Variants in ELAVL2 observed in about 807,000 individuals in gnomAD.
ELAVL2 encodes the protein ELAV-like protein 2.
In ELAVL2, 4 loss-of-function variants were observed where a neutral mutation model predicts 34.6. The ratio of observed to expected loss-of-function variants is 0.12; its 90% CI spans 0.06 to 0.26. The LOEUF is 0.26. ELAVL2 is among the 10% of genes least tolerant of loss of function. The probability of loss-of-function intolerance (pLI) is 1.00; values close to 1 mark genes in which losing one functional copy is unlikely to be tolerated. For synonymous variants in ELAVL2, 193 were observed against 154.8 expected, an observed-to-expected ratio of 1.25 and a Z score of -1.83; for missense variants, 432 against 442.8, an observed-to-expected ratio of 0.98 and a Z score of 0.22.
chr9:23,824,197 A>G (rs1446303244), intron 1 of ELAVL2, among the ~76,000 whole-genome samples: 2 of 152,188 alleles, frequency 1.3e-5, no homozygotes. Context: ...GCTAACCGGT[A>G]CTTGAAAATG....
chr9:23,830,854 T>C (rs749200632), upstream of ELAVL2, among the ~76,000 whole-genome samples: 1 of 151,910 alleles, frequency 6.6e-6, no homozygotes, highest in Non-Finnish European at 1.5e-5. Context: ...CTCACGTTTT[T>C]CCTGAGCATA....
chr9:23,816,465 C>A (rs544176646), intron 1 of ELAVL2, among the ~76,000 whole-genome samples: 1 of 151,506 alleles, frequency 6.6e-6, no homozygotes, highest in South Asian at 2.1e-4. Flanking sequence ...TAATGAACAA[C>A]CCACAAAAAC....
chr9:23,764,164 G>T (rs2055696207), intron 1 of ELAVL2, among the ~76,000 whole-genome samples: 1 of 152,116 alleles, frequency 6.6e-6, no homozygotes. Flanking sequence ...TGAGCTACAA[G>T]ATTAAAGTGG....
chr9:23,703,737 T>A (rs1250748667), intron 4 of ELAVL2, among the ~76,000 whole-genome samples: 1 of 152,166 alleles, frequency 6.6e-6, no homozygotes, highest in Non-Finnish European at 1.5e-5. Flanking sequence ...AAGGTATTAT[T>A]ATTATACGGG....
At chr9:23,791,828 A>T (rs1441247432) in intron 1 of ELAVL2, among the ~76,000 whole-genome samples, 8 of 152,120 alleles carry the variant, frequency 5.3e-5, no homozygotes, top group Middle Eastern at 3.2e-3. Context: ...TGAGAAAATA[A>T]ATTTCTATTG....
At chr9:23,769,745 C>T (rs545342160) in intron 1 of ELAVL2, among the ~76,000 whole-genome samples, 12 of 152,324 alleles carry the variant, frequency 7.9e-5, no homozygotes, top group Admixed American at 3.3e-4. Context: ...CACTGAACAG[C>T]TGCACGCGTC....
intron 2 of ELAVL2, among the ~76,000 whole-genome samples, chr9:23,733,129 G>T (rs2046993066): frequency 7.0e-6 from 1 of 142,096 alleles, no homozygotes; most frequent in African/African-American, 2.6e-5. Flanking sequence ...TCTAACCCCA[G>T]TGCATTCTCA....
chr9:23,728,125 C>CA (rs1180135840), intron 3 of ELAVL2, among the ~76,000 whole-genome samples: 1 of 152,034 alleles, frequency 6.6e-6, no homozygotes, highest in Non-Finnish European at 1.5e-5. Context: ...GTATGACCAC[C>CA]AAGATCTCCA....
chr9:23,728,870 C>T (rs1587802736), intron 3 of ELAVL2, among the ~76,000 whole-genome samples: 1 of 152,078 alleles, frequency 6.6e-6, no homozygotes, highest in Non-Finnish European at 1.5e-5. Context: ...CAGCTGTTAT[C>T]TGATATTTTT....
At position 23,786,802 on chromosome 9, in the gene ELAVL2, A is replaced by AAG. The variant is rs1554747168; in HGVS notation, c.-15-24555_-15-24554dup. Among the ~76,000 whole-genome samples, 806 of 127,016 alleles carry AAG rather than the reference A, an allele frequency of 6.3e-3. 28 individuals are homozygous for AAG. The highest frequency in any genetic ancestry group is 6.7e-3 in the African/African-American group (218 of 32,534). The allele number at this position is 127,016 out of a possible 152,430, so 83.3% of individuals were successfully genotyped here. ...GTGGCAAAAAAAAAAAAAAAAAAAA[A>AAG]AGAGAGAGAGAGAAAGGAAAGCCTT... On this transcript the variant is annotated intron_variant, in intron 1 of 6. Transcript: ENST00000397312.
chr9:23,693,768 AGTTAACTTTAGG>A, intron 5 of ELAVL2, among the ~76,000 whole-genome samples: 1 of 152,302 alleles, frequency 6.6e-6, no homozygotes, highest in Middle Eastern at 3.4e-3. Context: ...GCTCTGGGAT[AGTTAACTTTAGG>A]GTTCTCATCA....
At chr9:23,804,335 A>G (rs1165660537) in intron 1 of ELAVL2, among the ~76,000 whole-genome samples, 1 of 152,174 alleles carries the variant, frequency 6.6e-6, no homozygotes, top group African/African-American at 2.4e-5. Flanking sequence ...TAACAATTTC[A>G]TGAACACTTT....
intron 3 of ELAVL2, among the ~76,000 whole-genome samples, chr9:23,723,772 A>G (rs1195481885): frequency 2.0e-5 from 3 of 152,046 alleles, no homozygotes; most frequent in Non-Finnish European, 4.4e-5. Flanking sequence ...TGCACTTAAC[A>G]TTCTAGACCT....
chr9:23,693,428 T>C lies in ELAVL2; in HGVS notation c.752+20A>G, dbSNP rs753215989. The C allele has an allele frequency of 1.2e-6, 2 of 1,613,754 alleles. No individual in the cohort carries two copies. Among genetic ancestry groups the C allele is most frequent in the African/African-American group, 2.7e-5 (2 of 74,920 alleles). On this transcript the variant is annotated intron_variant, in intron 6 of 6. Coordinates refer to ENST00000397312, the MANE Select transcript of ELAVL2 (RefSeq NM_004432.5). ...CAACTGTGGAAAGGGATTATGAGTA[T>C]CATGAACCTCTATCATTACCTCTTT...
chr9:23,805,044 G>A (rs188395071), intron 1 of ELAVL2, among the ~76,000 whole-genome samples: 3 of 152,288 alleles, frequency 2.0e-5, no homozygotes, highest in African/African-American at 7.2e-5. Context: ...AAAGTCAGCT[G>A]CAACACTGGG....
In ELAVL2 at chr9:23,765,421, A is replaced by AGGCT. The variant is rs1236715608; in HGVS notation, c.-15-3176_-15-3173dup. On this transcript the variant is annotated intron_variant, in intron 1 of 6. Coordinates refer to ENST00000397312, the MANE Select transcript of ELAVL2 (RefSeq NM_004432.5). The stretch of plus-strand genomic sequence containing the variant: ...AAAGTAAAATAAAGCAAAATACTGC[A>AGGCT]GGCTGTCTTATCTCTTAAGGATGTG... 2.0e-5 allele frequency among the ~76,000 whole-genome samples: 3 copies of AGGCT among 152,308 alleles called. No individual in the cohort carries two copies. The East Asian group carries it at 5.8e-4, about 29-fold the overall frequency.
the ELAVL2 span, chr9:23,832,402 A>T: frequency 6.6e-6 from 1 of 152,182 alleles, no homozygotes; most frequent in African/African-American, 2.4e-5. Context: ...CACACTTTAT[A>T]TCTACATTTT....
At chr9:23,838,903 C>T in the ELAVL2 span, among the ~76,000 whole-genome samples, 9 of 152,120 alleles carry the variant, frequency 5.9e-5, no homozygotes, top group Admixed American at 4.6e-4. Flanking sequence ...TTTCAGTGTC[C>T]TAAACAGTCA....
At chr9:23,809,160 C>CT (rs1288322715) in intron 1 of ELAVL2, among the ~76,000 whole-genome samples, 3 of 152,116 alleles carry the variant, frequency 2.0e-5, no homozygotes, top group African/African-American at 7.2e-5. Flanking sequence ...CACCTGACTG[C>CT]TTTGTGCATA....
Sources: allele counts gnomAD v4.1 joint callset (sites outside exome capture counted in the v4.1 genomes callset), GRCh38; gene constraint gnomAD v4.1.1; transcripts MANE v1.5; gene names NCBI Gene and HGNC (gene_info 2026-07-23, HGNC 2026-07-21).